The following ARPP21 variants were observed in gnomAD, a reference collection of about 807,000 sequenced individuals.
The protein encoded by ARPP21 is cAMP regulated phosphoprotein 21.
Under a neutral mutation model 113.2 loss-of-function variants are expected in ARPP21, and 69 were observed. The ratio of observed to expected loss-of-function variants is 0.61; its 90% CI spans 0.50 to 0.74. The LOEUF (loss-of-function observed/expected upper bound fraction) is 0.74, where lower values mean the gene tolerates loss of function less well. Among genes scored for constraint, ARPP21 ranks in the 30% least tolerant of loss-of-function variants. The pLI is 0.00. For missense variants in ARPP21, 1,070 were observed against 1,037.4 expected (o/e 1.03, Z -0.43); for synonymous variants, 368 against 375.5 (o/e 0.98, Z 0.23).
At chr3:35,690,202 A>G in intron 8 of ARPP21, 62 bp downstream of exon 8, 1 of 828,200 alleles carries the variant, frequency 1.2e-6, no homozygotes, top group South Asian at 1.4e-5. Flanking sequence ...TTGGAGTTAA[A>G]TTGTCCATTC....
chr3:35,687,890 G>A lies in ARPP21; in HGVS notation c.406+7G>A, dbSNP rs1244611127. The A allele has an allele frequency of 2.5e-6, 4 of 1,576,490 alleles. No homozygotes were observed. The South Asian group carries it at 3.6e-5, about 14-fold the overall frequency. ...ATCAGAATGTTATCAAAAGGTGAAT[G>A]TGAAAATATTTCCTTAACTTACTCA... On this transcript the variant is annotated splice_region_variant and intron_variant, in intron 6 of 20. Coordinates refer to ENST00000684406, the MANE Select transcript of ARPP21 (RefSeq NM_001385562.1).
At chr3:35,748,965 G>A (rs978949521) in intron 19 of ARPP21, among the ~76,000 whole-genome samples, 2 of 152,184 alleles carry the variant, frequency 1.3e-5, no homozygotes, top group Non-Finnish European at 2.9e-5. Flanking sequence ...ACTGTGTAGG[G>A]AAAAGCACCC....
At chr3:35,673,582 A>G (rs1448548739) in intron 1 of ARPP21, among the ~76,000 whole-genome samples, 1 of 152,048 alleles carries the variant, frequency 6.6e-6, no homozygotes, top group Non-Finnish European at 1.5e-5. Flanking sequence ...TGTCATAGCA[A>G]TGGAAACATC....
At chr3:35,675,677 T>A (rs1217648293) in intron 1 of ARPP21, among the ~76,000 whole-genome samples, 1 of 151,928 alleles carries the variant, frequency 6.6e-6, no homozygotes, top group Non-Finnish European at 1.5e-5. Context: ...ATGCATTGAT[T>A]CTGGTGGAGG....
rs1407441363 is a variant in ARPP21, at chr3:35,794,176, T to C, written c.*218T>C. The C allele has an allele frequency of 1.7e-6, 1 of 579,658 alleles. No individual in the cohort carries two copies. The highest frequency in any genetic ancestry group is 3.1e-6 in the Non-Finnish European group (1 of 325,898). 35.9% of individuals were successfully genotyped at this position (579,658 alleles called of 1,614,324 possible). A position where few individuals can be genotyped will look rare whatever the true frequency, so the allele number is the denominator to read the frequency against. ...GCTAGGTATGCCTTTATAGCTTAGCTAGTGACATGAATTCATCAAGGTAAG... is the reference window on the plus strand; with the variant it reads ...GCTAGGTATGCCTTTATAGCTTAGCCAGTGACATGAATTCATCAAGGTAAG... On this transcript the variant is annotated 3_prime_UTR_variant, in exon 21 of 21. Coordinates refer to ENST00000684406, the MANE Select transcript of ARPP21 (RefSeq NM_001385562.1).
chr3:35,675,695 G>A (rs1280454529), intron 1 of ARPP21, among the ~76,000 whole-genome samples: 4 of 151,898 alleles, frequency 2.6e-5, no homozygotes, highest in Admixed American at 6.6e-5. Flanking sequence ...AGGTGCAGGT[G>A]TTCTCTGAAC....
In ARPP21 at chr3:35,675,317, A is replaced by G. The variant is rs191484764; in HGVS notation, c.-212-4470A>G. 2.1e-4 allele frequency among the ~76,000 whole-genome samples: 32 copies of G among 151,954 alleles called. 1 individual carries two copies. The highest frequency in any genetic ancestry group is 7.2e-4 in the African/African-American group (30 of 41,514). The stretch of plus-strand genomic sequence containing the variant: ...TTTAAAAATCTTTGGACTGGTCTCA[A>G]TGGTCACACACTCAAACTGAAACTA... On this transcript the variant is annotated intron_variant, in intron 1 of 20. Transcript: ENST00000684406.
intron 19 of ARPP21, among the ~76,000 whole-genome samples, chr3:35,754,042 C>G (rs183805548): frequency 6.9e-6 from 1 of 144,416 alleles, no homozygotes; most frequent in Non-Finnish European, 1.5e-5. Context: ...TTTTTTTGCT[C>G]CTTGGGGTTG....
intron 18 of ARPP21, among the ~76,000 whole-genome samples, chr3:35,740,073 T>C (rs569640157): frequency 6.6e-6 from 1 of 152,336 alleles, no homozygotes; most frequent in South Asian, 2.1e-4. Flanking sequence ...GGTAAGCTGA[T>C]ATCCACAGTC....
chr3:35,743,257 G>A (rs949121574), intron 18 of ARPP21, among the ~76,000 whole-genome samples: 4 of 152,142 alleles, frequency 2.6e-5, no homozygotes, highest in Admixed American at 6.5e-5. Context: ...GTAGGTTTTC[G>A]TTGTTGATGA....
Position 35,706,937 on chromosome 3 carries a change from A to C in ARPP21, c.687-37A>C, listed in dbSNP as rs538970498. On this transcript the variant is annotated intron_variant, in intron 9 of 20. Transcript: ENST00000684406. The stretch of plus-strand genomic sequence containing the variant: ...AAAAAATAACTTTAAACAAGGGGGA[A>C]AAACTTTTTTATTGATATGTTTTAC... 17 of 1,536,422 alleles carry C rather than the reference A, an allele frequency of 1.1e-5. No homozygotes were observed. In the South Asian group the frequency reaches 2.0e-4, roughly 18 times the overall value.
At chr3:35,724,982 C>A (rs2093414888) in intron 14 of ARPP21, among the ~76,000 whole-genome samples, 1 of 152,132 alleles carries the variant, frequency 6.6e-6, no homozygotes. Context: ...ATGGTACAGG[C>A]AAAAGAGAAT....
At chr3:35,716,098 A>C (rs1398973833) in intron 12 of ARPP21, among the ~76,000 whole-genome samples, 4 of 152,122 alleles carry the variant, frequency 2.6e-5, no homozygotes, top group Non-Finnish European at 5.9e-5. Context: ...TGATAAGAGC[A>C]AAAATTTTTC....
At chr3:35,665,587 T>G (rs9848205) in intron 1 of ARPP21, among the ~76,000 whole-genome samples, 4,383 of 152,306 alleles carry the variant, frequency 0.029, 209 homozygotes, top group African/African-American at 0.097. Flanking sequence ...AACATTCATT[T>G]GGAGGTAAGA....
chr3:35,707,048 G>A lies in ARPP21; in HGVS notation c.761G>A (p.Arg254Gln), dbSNP rs766212549. Reference sequence around the variant, plus strand: ...TCCCAGAAGCGGTTTATCTTGAAGCGAGATAACTCTAGTATTGATAAAGAA... The same window carrying A: ...TCCCAGAAGCGGTTTATCTTGAAGCAAGATAACTCTAGTATTGATAAAGAA... The part of the protein sequence containing the change: ...EESQKRFILK[R>Q]DNSSIDKEDN... The change falls in exon 10 of 21, where the codon CGA (arginine) becomes CAA (glutamine). Residue 254 changes from arginine (R) to glutamine (Q), a missense_variant. Coordinates refer to ENST00000684406, the MANE Select transcript of ARPP21 (RefSeq NM_001385562.1). 25 of 1,613,818 alleles carry A rather than the reference G, an allele frequency of 1.5e-5. No homozygotes were observed. The highest frequency in any genetic ancestry group is 1.6e-4 in the Middle Eastern group (1 of 6,080).
chr3:35,767,537 G>A (rs913047547), intron 19 of ARPP21, among the ~76,000 whole-genome samples: 2 of 152,044 alleles, frequency 1.3e-5, no homozygotes, highest in African/African-American at 4.8e-5. Context: ...TCCAAGCAGA[G>A]AAAAGAAGTC....
chr3:35,728,374 A>C (rs912587390), intron 14 of ARPP21, among the ~76,000 whole-genome samples: 1 of 151,196 alleles, frequency 6.6e-6, no homozygotes, highest in Admixed American at 6.6e-5. Flanking sequence ...ACGTGCCACC[A>C]CGCCCAGCTA....
At chr3:35,668,198 T>C (rs1029663501) in intron 1 of ARPP21, among the ~76,000 whole-genome samples, 10 of 152,278 alleles carry the variant, frequency 6.6e-5, no homozygotes, top group Admixed American at 5.2e-4. Context: ...TTCCTAAATA[T>C]AGAAGTGTAA....
At chr3:35,687,532 T>A (rs1575822078) in intron 5 of ARPP21, among the ~76,000 whole-genome samples, 2 of 151,574 alleles carry the variant, frequency 1.3e-5, no homozygotes, top group Middle Eastern at 3.4e-3. Flanking sequence ...TAGTACTAGA[T>A]GTTCCTTATG....
Sources: allele counts gnomAD v4.1 joint callset (sites outside exome capture counted in the v4.1 genomes callset), GRCh38; gene constraint gnomAD v4.1.1; transcripts MANE v1.5; gene names NCBI Gene and HGNC (gene_info 2026-07-23, HGNC 2026-07-21).